GET1: variants seen among roughly 807,000 people sequenced by gnomAD.
The protein encoded by GET1 is guided entry of tail-anchored proteins factor 1, also known as congenital heart disease 5 protein.
In GET1, 20 loss-of-function variants were observed where a neutral mutation model predicts 22.6. The ratio of observed to expected loss-of-function variants is 0.89; its 90% CI spans 0.62 to 1.29. The LOEUF (loss-of-function observed/expected upper bound fraction) is 1.29, where lower values mean the gene tolerates loss of function less well. GET1 is among the 50% of genes most tolerant of loss of function. GET1 has a pLI of 0.00. For synonymous variants in GET1, 92 were observed against 83.8 expected (o/e 1.10, Z -0.53); for missense variants, 209 against 219.9 (o/e 0.95, Z 0.31).
chr21:39,398,385 G>T (rs944992226), downstream of GET1, among the ~76,000 whole-genome samples: 2 of 152,110 alleles, frequency 1.3e-5, no homozygotes, highest in African/African-American at 4.8e-5. Flanking sequence ...GAACTGCTGG[G>T]ATCACTCATC....
At chr21:39,396,502 T>C (rs1422127962) in intron 4 of GET1, among the ~76,000 whole-genome samples, 1 of 151,108 alleles carries the variant, frequency 6.6e-6, no homozygotes, top group Non-Finnish European at 1.5e-5. Flanking sequence ...TACTCCCACC[T>C]GGGTGACAGA....
intron 1 of GET1, among the ~76,000 whole-genome samples, chr21:39,388,818 G>A (rs2146952672): frequency 6.6e-6 from 1 of 152,334 alleles, no homozygotes; most frequent in South Asian, 2.1e-4. Context: ...CCGTGGCCGG[G>A]CCGTTCCCTG....
At position 39,391,300 on chromosome 21, in the gene GET1, C is replaced by A. The variant is rs2038279751; in HGVS notation, c.268+437C>A. ...TGTCCTGTGATGAAGAGCGCTTTCTCAGGGCAGCCCGTGTGCTGAGGGACC... is the reference window on the plus strand; with the variant it reads ...TGTCCTGTGATGAAGAGCGCTTTCTAAGGGCAGCCCGTGTGCTGAGGGACC... On this transcript the variant is annotated intron_variant, in intron 2 of 4. Transcript: ENST00000649170. 1.8e-5 allele frequency: 4 copies of A among 225,836 alleles called. No homozygotes were observed. In the South Asian group the frequency reaches 2.4e-4, roughly 14 times the overall value. The allele number at this position is 225,836 out of a possible 1,614,324, so 14.0% of individuals were successfully genotyped here.
chr21:39,385,418 G>C (rs1728262649), intron 1 of GET1, among the ~76,000 whole-genome samples: 1 of 152,198 alleles, frequency 6.6e-6, no homozygotes, highest in Admixed American at 6.5e-5. Context: ...TGCGGTGGGG[G>C]TGGGATGCCT....
intron 1 of GET1, among the ~76,000 whole-genome samples, chr21:39,414,558 G>T (rs924034798): frequency 7.9e-5 from 12 of 152,100 alleles, no homozygotes; most frequent in Non-Finnish European, 1.6e-4. Context: ...AGTCCTATAT[G>T]CTCTTCAACA....
At chr21:39,385,985 G>A (rs993578954) in intron 1 of GET1, 2 of 152,326 alleles carry the variant, frequency 1.3e-5, no homozygotes, top group Non-Finnish European at 2.9e-5. Flanking sequence ...CCCCAGAGCT[G>A]GTGTGGGCTG....
chr21:39,410,086 G>A (rs1356262591), downstream of GET1: 2 of 1,604,594 alleles, frequency 1.2e-6, no homozygotes, highest in East Asian at 4.5e-5. Context: ...GTTTCCTGTT[G>A]CCTTTTTACC....
downstream of GET1, among the ~76,000 whole-genome samples, chr21:39,407,515 G>A (rs1418009269): frequency 1.3e-5 from 2 of 152,164 alleles, no homozygotes; most frequent in East Asian, 1.9e-4. Context: ...TCACTGTGGC[G>A]TGGGTTAGTA....
At chr21:39,409,052 T>G (rs144985403), downstream of GET1, among the ~76,000 whole-genome samples, 4 of 152,328 alleles carry the variant, frequency 2.6e-5, no homozygotes, top group African/African-American at 9.6e-5. The surrounding 1 kb of genome is among the most constrained non-coding windows in gnomAD (Gnocchi z 4.2). Flanking sequence ...ATGGCTATAT[T>G]TGGAGACTGG....
rs747965667 is a variant in GET1 at position 39,380,327 on chromosome 21, T to C, written c.-58T>C. The C allele has an allele frequency of 3.9e-5, 60 of 1,546,076 alleles. No individual in the cohort carries two copies. In the Middle Eastern group the frequency reaches 2.0e-3, roughly 52 times the overall value. Reference sequence around the variant, plus strand: ...CACCGCGCAGGCGCGGTCGCCGCTGTTGTTGTGGTCCCCATGGAGCTGCCG... The same window carrying C: ...CACCGCGCAGGCGCGGTCGCCGCTGCTGTTGTGGTCCCCATGGAGCTGCCG... On this transcript the variant is annotated 5_prime_UTR_variant, in exon 1 of 5. Transcript: ENST00000649170.
At chr21:39,405,806 C>T (rs1184893879) in intron 4 of GET1, 7 of 1,152,058 alleles carry the variant, frequency 6.1e-6, no homozygotes, top group Non-Finnish European at 8.3e-6. Context: ...CCCTCTCTCA[C>T]ACATTTCAAA....
chr21:39,396,567 A>G (rs1353800061), intron 4 of GET1, among the ~76,000 whole-genome samples: 2 of 149,452 alleles, frequency 1.3e-5, no homozygotes, highest in African/African-American at 2.5e-5. Context: ...CACACCTGTA[A>G]TCCCAGCTAC....
intron 1 of GET1, among the ~76,000 whole-genome samples, chr21:39,382,064 T>G (rs1370098991): frequency 7.3e-5 from 11 of 151,362 alleles, no homozygotes; most frequent in Non-Finnish European, 1.5e-5. Context: ...TTTCTTTTTT[T>G]TTTTTTTTGA....
At chr21:39,425,103 T>C (rs2074437544) in intron 1 of GET1, among the ~76,000 whole-genome samples, 1 of 152,206 alleles carries the variant, frequency 6.6e-6, no homozygotes, top group Admixed American at 6.5e-5. Flanking sequence ...AGTGTATGTA[T>C]TCATATATCT....
chr21:39,398,854 C>T (rs2147018240), downstream of GET1, among the ~76,000 whole-genome samples: 1 of 152,060 alleles, frequency 6.6e-6, no homozygotes, highest in South Asian at 2.1e-4. Context: ...ATCCACCCGC[C>T]TCGGCATCCC....
chr21:39,406,755 A>G, downstream of GET1: 1 of 628,788 alleles, frequency 1.6e-6, no homozygotes. Flanking sequence ...TGCATAGACA[A>G]AAGATTACAG....
intron 1 of GET1, among the ~76,000 whole-genome samples, chr21:39,382,179 C>T (rs1035976267): frequency 6.6e-6 from 1 of 151,988 alleles, no homozygotes; most frequent in Non-Finnish European, 1.5e-5. Context: ...CTCAGCCTCC[C>T]AGGTAGCTGT....
chr21:39,420,967 T>C (rs1462064664), intron 1 of GET1: 1 of 647,568 alleles, frequency 1.5e-6, no homozygotes, highest in Non-Finnish European at 2.5e-6. Context: ...GTGAATGACT[T>C]ATACAGGGGA....
At chr21:39,403,472 G>GC (rs1281022672) in intron 4 of GET1, among the ~76,000 whole-genome samples, 8 of 151,974 alleles carry the variant, frequency 5.3e-5, no homozygotes, top group South Asian at 4.2e-4. Flanking sequence ...GACTAAAGGC[G>GC]CCGCCACCAC....
Sources: gnomAD v4.1 joint callset for allele counts (sites outside exome capture counted in the v4.1 genomes callset) on GRCh38, gnomAD v4.1.1 for gene constraint, Gnocchi (gnomAD v3.1) non-coding constraint, MANE v1.5 for transcripts, NCBI Gene and HGNC (gene_info 2026-07-23, HGNC 2026-07-21) for gene names.